The following MLLT3 variants were observed in gnomAD, a reference collection of about 807,000 sequenced individuals.
The protein encoded by MLLT3 is MLLT3 super elongation complex subunit, also known as protein AF-9.
A neutral mutation model predicts 53.2 loss-of-function variants in MLLT3; 4 were observed. The ratio of observed to expected loss-of-function variants is 0.08; its 90% CI spans 0.04 to 0.17. MLLT3 has a LOEUF of 0.17. MLLT3 is among the 10% of genes least tolerant of loss of function. The pLI, the probability that MLLT3 is intolerant of heterozygous loss-of-function variation, is 1.00. For synonymous variants in MLLT3, 283 were observed against 230.6 expected (o/e 1.23, Z -2.06); for missense variants, 569 against 684.0 (o/e 0.83, Z 1.87).
intron 2 of MLLT3, among the ~76,000 whole-genome samples, chr9:20,606,449 TAAAC>T (rs1186083116): frequency 1.3e-5 from 2 of 152,112 alleles, no homozygotes; most frequent in Admixed American, 6.6e-5. Context: ...AACAGCTACA[TAAAC>T]AAAGTAATAA....
chr9:20,534,947 A>G (rs1457105579), intron 2 of MLLT3, among the ~76,000 whole-genome samples: 1 of 152,168 alleles, frequency 6.6e-6, no homozygotes, highest in African/African-American at 2.4e-5. Context: ...GAAAAAATAG[A>G]TTAGGAACCA....
At chr9:20,356,915 T>G (rs1167703930) in intron 8 of MLLT3, among the ~76,000 whole-genome samples, 2 of 152,226 alleles carry the variant, frequency 1.3e-5, no homozygotes, top group Non-Finnish European at 2.9e-5. Context: ...CGCCTCAAGT[T>G]ACTGAGTGGC....
intron 5 of MLLT3, among the ~76,000 whole-genome samples, chr9:20,370,463 T>G (rs1186824192): frequency 3.3e-5 from 5 of 151,924 alleles, no homozygotes; most frequent in African/African-American, 1.2e-4. Context: ...TTAGGCCAAT[T>G]AATAATCCTA....
At chr9:20,463,024 G>C (rs1824150007) in intron 2 of MLLT3, among the ~76,000 whole-genome samples, 1 of 152,092 alleles carries the variant, frequency 6.6e-6, no homozygotes, top group Admixed American at 6.5e-5. Flanking sequence ...CATTTGTATA[G>C]AGAACGTCAT....
chr9:20,530,928 G>A (rs1027906819), intron 2 of MLLT3, among the ~76,000 whole-genome samples: 6 of 151,896 alleles, frequency 4.0e-5, no homozygotes, highest in Admixed American at 2.0e-4. Flanking sequence ...ATCGTGCCTG[G>A]CGCTGCTTGT....
rs374399736 is a variant in MLLT3, at chr9:20,348,559, C to T, written c.1576-1985G>A. The stretch of plus-strand genomic sequence containing the variant: ...AGTGGCATCTTTTAAGCCACTATCT[C>T]GACCACGGATTACTTACCTCCAGGC... On this transcript the variant is annotated intron_variant, in intron 10 of 10. Coordinates refer to ENST00000380338, the MANE Select transcript of MLLT3 (RefSeq NM_004529.4). Among the ~76,000 whole-genome samples the T allele has an allele frequency of 3.9e-5, 6 of 152,146 alleles. No homozygotes were observed. In the East Asian group the frequency reaches 1.2e-3, roughly 29 times the overall value.
chr9:20,466,109 A>C (rs1824232355), intron 2 of MLLT3, among the ~76,000 whole-genome samples: 1 of 152,188 alleles, frequency 6.6e-6, no homozygotes, highest in Non-Finnish European at 1.5e-5. Context: ...AGTTTTAGAT[A>C]CAGGTTGAAT....
At chr9:20,534,980 T>C (rs1272548244) in intron 2 of MLLT3, among the ~76,000 whole-genome samples, 1 of 152,244 alleles carries the variant, frequency 6.6e-6, no homozygotes, top group Admixed American at 6.5e-5. Flanking sequence ...AATCATGGTT[T>C]GCTCAAACAA....
At chr9:20,605,523 T>C (rs1307891913) in intron 2 of MLLT3, among the ~76,000 whole-genome samples, 1 of 152,064 alleles carries the variant, frequency 6.6e-6, no homozygotes, top group East Asian at 1.9e-4. Flanking sequence ...TCCAAAATAA[T>C]TTCAAACTAA....
At chr9:20,584,793 C>A (rs1819906980) in intron 2 of MLLT3, among the ~76,000 whole-genome samples, 1 of 152,152 alleles carries the variant, frequency 6.6e-6, no homozygotes, top group Non-Finnish European at 1.5e-5. Flanking sequence ...GGGGGCACAG[C>A]CAAACTGCAT....
chr9:20,565,132 G>GT (rs200465264), intron 2 of MLLT3, among the ~76,000 whole-genome samples: 4,634 of 146,392 alleles, frequency 0.032, 200 homozygotes, highest in African/African-American at 0.1. Flanking sequence ...TGACTGATAT[G>GT]TTTTTTTTTT....
At chr9:20,473,169 C>T (rs892744288) in intron 2 of MLLT3, among the ~76,000 whole-genome samples, 23 of 152,236 alleles carry the variant, frequency 1.5e-4, no homozygotes, top group African/African-American at 5.1e-4. Context: ...CATATACTCA[C>T]GTAGTCAAAG....
chr9:20,350,868 TTA>T (rs1338242683), intron 10 of MLLT3, among the ~76,000 whole-genome samples: 1 of 152,214 alleles, frequency 6.6e-6, no homozygotes, highest in Non-Finnish European at 1.5e-5. Context: ...TTTGGTCTGA[TTA>T]TAATTTCAAA....
At chr9:20,535,175 G>A (rs2119002237) in intron 2 of MLLT3, among the ~76,000 whole-genome samples, 1 of 152,328 alleles carries the variant, frequency 6.6e-6, no homozygotes, top group African/African-American at 2.4e-5. Context: ...GGTGGCATTA[G>A]ATTGTTTCTC....
intron 2 of MLLT3, among the ~76,000 whole-genome samples, chr9:20,540,026 C>T (rs1310046947): frequency 6.6e-6 from 1 of 152,210 alleles, no homozygotes; most frequent in African/African-American, 2.4e-5. Context: ...CAGGCAACTC[C>T]AAAACCCAGC....
At chr9:20,499,324 A>G (rs1211886465) in intron 2 of MLLT3, among the ~76,000 whole-genome samples, 1 of 152,200 alleles carries the variant, frequency 6.6e-6, no homozygotes, top group African/African-American at 2.4e-5. Context: ...TTGGGAGGAT[A>G]TAACTCAGCC....
intron 2 of MLLT3, among the ~76,000 whole-genome samples, chr9:20,540,233 A>G (rs956492474): frequency 6.6e-6 from 1 of 152,152 alleles, no homozygotes; most frequent in African/African-American, 2.4e-5. Flanking sequence ...TGTACAGTGC[A>G]AGGTGTCACT....
chr9:20,350,703 A>T (rs1280302502), intron 10 of MLLT3, among the ~76,000 whole-genome samples: 1 of 152,158 alleles, frequency 6.6e-6, no homozygotes, highest in Admixed American at 6.5e-5. Flanking sequence ...TTGTGAAAAC[A>T]TTCATGATGG....
intron 2 of MLLT3, among the ~76,000 whole-genome samples, chr9:20,559,164 A>C (rs753057733): frequency 1.2e-4 from 18 of 152,254 alleles, no homozygotes; most frequent in Non-Finnish European, 2.6e-4. Context: ...AAATAATTTT[A>C]TATAAAAGTA....
Sources: allele counts gnomAD v4.1 joint callset (sites outside exome capture counted in the v4.1 genomes callset), GRCh38; gene constraint gnomAD v4.1.1; transcripts MANE v1.5; gene names NCBI Gene and HGNC (gene_info 2026-07-23, HGNC 2026-07-21).